Variants in ZRANB1 observed in about 807,000 individuals in gnomAD.
ZRANB1 encodes the protein ubiquitin thioesterase ZRANB1.
In ZRANB1, 16 loss-of-function variants were observed where a neutral mutation model predicts 80.5. The observed-to-expected ratio is 0.20, with a 90% confidence interval of 0.13 to 0.30. The LOEUF (loss-of-function observed/expected upper bound fraction) is 0.30. Ranked by LOEUF, ZRANB1 falls within the 10% of genes least tolerant of loss-of-function variation. ZRANB1 has a pLI of 1.00. For missense variants in ZRANB1, 576 were observed against 862.6 expected (o/e 0.67, Z 4.16); for synonymous variants, 291 against 293.1 (o/e 0.99, Z 0.07).
chr10:124,962,081 G>T (rs756141899), intron 1 of ZRANB1, among the ~76,000 whole-genome samples: 4 of 152,200 alleles, frequency 2.6e-5, no homozygotes, highest in Non-Finnish European at 5.9e-5. Context: ...AGAGTTTGCT[G>T]TGAATATCTC....
intron 3 of ZRANB1, among the ~76,000 whole-genome samples, chr10:124,972,489 C>CT (rs1460266533): frequency 6.6e-6 from 1 of 152,028 alleles, no homozygotes; most frequent in Non-Finnish European, 1.5e-5. Context: ...AATTAGATAG[C>CT]TATATTGGTT....
the ZRANB1 span, among the ~76,000 whole-genome samples, chr10:124,921,638 T>A: frequency 6.6e-6 from 1 of 152,218 alleles, no homozygotes; most frequent in African/African-American, 2.4e-5. Context: ...GAAATTCATT[T>A]TTAGAAAGTA....
upstream of ZRANB1, among the ~76,000 whole-genome samples, chr10:124,937,349 G>A (rs1951497064): frequency 1.3e-5 from 2 of 151,844 alleles, no homozygotes; most frequent in African/African-American, 4.8e-5. Flanking sequence ...ACCACGCCCA[G>A]CAAGTTTTGT....
chr10:124,944,456 A>G (rs1217408569), intron 1 of ZRANB1, among the ~76,000 whole-genome samples: 1 of 148,968 alleles, frequency 6.7e-6, no homozygotes, highest in African/African-American at 2.5e-5. Context: ...AGAAATCGTG[A>G]GTTTTAAAAT....
chr10:124,957,514 T>C (rs1330357495), intron 1 of ZRANB1, among the ~76,000 whole-genome samples: 4 of 152,188 alleles, frequency 2.6e-5, no homozygotes, highest in Non-Finnish European at 5.9e-5. Flanking sequence ...CTAGAGCTTT[T>C]TTACATCTTG....
Position 124,974,385 on chromosome 10 carries a change from G to A in ZRANB1, c.1414G>A (p.Asp472Asn), listed in dbSNP as rs760888304. Reference sequence around the variant, plus strand: ...GAAAGCCCTGCATGACAGCCTGCATGACTGTTCACATTGGTGAGCTGGCAT... The same window carrying A: ...GAAAGCCCTGCATGACAGCCTGCATAACTGTTCACATTGGTGAGCTGGCAT... ...LRKALHDSLH[D>N]CSHWFYTRWK... The change falls in exon 5 of 9, where the codon GAC (aspartate) becomes AAC (asparagine). Residue 472 changes from aspartate to asparagine, a missense_variant. By Grantham distance (23) the Asp-to-Asn change is conservative. This residue lies in a region of ZRANB1 where 411 missense variants were observed against 583.1 expected (regional missense o/e 0.70). Coordinates refer to ENST00000359653, the MANE Select transcript of ZRANB1 (RefSeq NM_017580.3). 6.2e-7 allele frequency: 1 copy of A among 1,614,266 alleles called. No individual in the cohort carries two copies. Among genetic ancestry groups the A allele is most frequent in the Non-Finnish European group, 8.5e-7 (1 of 1,180,042 alleles).
At chr10:124,925,707 T>C in the ZRANB1 span, among the ~76,000 whole-genome samples, 1 of 152,242 alleles carries the variant, frequency 6.6e-6, no homozygotes, top group Non-Finnish European at 1.5e-5. Flanking sequence ...TTTAGGTCTC[T>C]GATCATTTTG....
the ZRANB1 span, among the ~76,000 whole-genome samples, chr10:124,932,995 G>C: frequency 6.6e-6 from 1 of 152,042 alleles, no homozygotes; most frequent in Non-Finnish European, 1.5e-5. Context: ...AGTTCTTCGT[G>C]TATTTTGGAT....
chr10:124,920,851 T>C, the ZRANB1 span, among the ~76,000 whole-genome samples: 2 of 152,148 alleles, frequency 1.3e-5, no homozygotes, highest in African/African-American at 4.8e-5. Context: ...TATATCTCTA[T>C]ACCCTGTATC....
Position 124,987,668 on chromosome 10 carries a change from T to C in ZRANB1, c.*2676T>C, listed in dbSNP as rs947456621. The C allele has an allele frequency of 6.6e-6, 1 of 152,162 alleles. No individual in the cohort carries two copies. The highest frequency in any genetic ancestry group is 6.5e-5 in the Admixed American group (1 of 15,270). The allele number at this position is 152,162 out of a possible 1,614,324, so 9.4% of individuals were successfully genotyped here. On this transcript the variant is annotated 3_prime_UTR_variant, in exon 9 of 9. Transcript: ENST00000359653. ...TGTGAGCTTGTGTTAATAGACACTT[T>C]TATGGTAGAGTTGGGATGGGGCCAC...
At chr10:124,936,267 A>G in the ZRANB1 span, among the ~76,000 whole-genome samples, 6 of 152,210 alleles carry the variant, frequency 3.9e-5, no homozygotes, top group African/African-American at 1.4e-4. Flanking sequence ...GGATGGATTT[A>G]GAAAGGGAAG....
At chr10:124,922,337 T>TATATATATATA in the ZRANB1 span, among the ~76,000 whole-genome samples, 2 of 34,786 alleles carry the variant, frequency 5.7e-5, no homozygotes, top group Admixed American at 2.6e-4. Context: ...TATATATATA[T>TATATATATATA]TTTTTTTTTA....
chr10:124,969,619 T>A lies in ZRANB1; in HGVS notation c.1003-2346T>A, dbSNP rs145043917. On this transcript the variant is annotated intron_variant, in intron 2 of 8. Transcript: ENST00000359653. Reference sequence around the variant, plus strand: ...GAATACTGTTTTTAAATACAAAAAATAAGAAGTAAATGAGATTACAAAGGA... The same window carrying A: ...GAATACTGTTTTTAAATACAAAAAAAAAGAAGTAAATGAGATTACAAAGGA... Among the ~76,000 whole-genome samples, 880 of 152,150 alleles carry A rather than the reference T, an allele frequency of 5.8e-3. 7 individuals are homozygous for A. The highest frequency in any genetic ancestry group is 0.02 in the African/African-American group (828 of 41,506).
At chr10:124,936,467 A>C in the ZRANB1 span, among the ~76,000 whole-genome samples, 1 of 152,180 alleles carries the variant, frequency 6.6e-6, no homozygotes, top group African/African-American at 2.4e-5. Context: ...AAACTGGAGA[A>C]GTCAAGATAG....
Position 124,974,312 on chromosome 10 carries a change from A to G in ZRANB1, c.1341A>G (p.Ser447=). ...CTGCAGGAGACTGCCTACTTGATTC[A>G]GTTCTACAAGCTACCTGGGGCATCT... The part of the protein sequence containing the change: ...NRTAGDCLLD[S]VLQATWGIYD... Residue 447 remains serine, a synonymous_variant, in exon 5 of 9, where the codon TCA becomes TCG. Coordinates refer to ENST00000359653, the MANE Select transcript of ZRANB1 (RefSeq NM_017580.3). 1.1e-5 allele frequency: 17 copies of G among 1,614,266 alleles called. No individual in the cohort carries two copies. The highest frequency in any genetic ancestry group is 1.4e-5 in the Non-Finnish European group (17 of 1,180,046).
intron 5 of ZRANB1, among the ~76,000 whole-genome samples, chr10:124,975,507 TTATATA>T (rs1173637992): frequency 7.2e-5 from 11 of 152,196 alleles, no homozygotes; most frequent in Admixed American, 7.2e-4. Context: ...AAAGTGTTCT[TTATATA>T]TATATTTTTT....
chr10:124,917,181 T>TGCC, the ZRANB1 span: 3,158 of 168,562 alleles, frequency 0.019, 58 homozygotes, highest in African/African-American at 0.045. Context: ...GAGTCGCCGC[T>TGCC]GCCGCCGCCG....
the ZRANB1 span, among the ~76,000 whole-genome samples, chr10:124,928,576 G>A: frequency 6.6e-6 from 1 of 152,110 alleles, no homozygotes; most frequent in Non-Finnish European, 1.5e-5. Context: ...AGTTGCTTAG[G>A]ATTTTCTAAA....
Position 124,983,362 on chromosome 10 carries a change from C to A in ZRANB1, c.1678+58C>A. ...TCTTTGAACGGAATGGCTCAGATGTCAGGAAGGAGCAGTGGACAGGGGAAT... is the reference window on the plus strand; with the variant it reads ...TCTTTGAACGGAATGGCTCAGATGTAAGGAAGGAGCAGTGGACAGGGGAAT... On this transcript the variant is annotated intron_variant, in intron 7 of 8. Coordinates refer to ENST00000359653, the MANE Select transcript of ZRANB1 (RefSeq NM_017580.3). This position sits in a 1 kb window ranked among gnomAD's most constrained non-coding sequence, Gnocchi z 6.2. 1 of 1,601,426 alleles carries A rather than the reference C, an allele frequency of 6.2e-7. No individual in the cohort carries two copies. The highest frequency in any genetic ancestry group is 1.1e-5 in the South Asian group (1 of 89,146).
Sources: allele counts gnomAD v4.1 joint callset (sites outside exome capture counted in the v4.1 genomes callset), GRCh38; gene constraint gnomAD v4.1.1; regional missense constraint gnomAD v4.1.1; non-coding constraint Gnocchi (gnomAD v3.1); transcripts MANE v1.5; gene names NCBI Gene and HGNC (gene_info 2026-07-23, HGNC 2026-07-21).